SYNJ2: variants seen among roughly 807,000 people sequenced by gnomAD.
SYNJ2 encodes the protein synaptojanin 2, also known as polyphosphatidylinositol phosphatase SYNJ2.
In SYNJ2, 116 loss-of-function variants were observed where a neutral mutation model predicts 141.3. That is an observed-to-expected ratio of 0.82 (90% confidence interval 0.71 to 0.96). The LOEUF is 0.96. Among genes scored for constraint, SYNJ2 ranks in the 40% least tolerant of loss-of-function variants. The pLI, the probability that SYNJ2 is intolerant of heterozygous loss-of-function variation, is 0.00. For synonymous variants in SYNJ2, 745 were observed against 777.7 expected (o/e 0.96, Z 0.70); for missense variants, 1,873 against 1,934.8 (o/e 0.97, Z 0.60).
At chr6:158,061,854 C>A in intron 7 of SYNJ2, 138 bp from the exon 8 acceptor site, 1 of 851,584 alleles carries the variant, frequency 1.2e-6, no homozygotes, top group Non-Finnish European at 1.9e-6. Flanking sequence ...CTGCCTGGTC[C>A]ACTGTGAGCT....
Position 158,084,231 on chromosome 6 carries a change from CTT to C in SYNJ2, c.3208+59_3208+60del, listed in dbSNP as rs1782895152. On this transcript the variant is annotated intron_variant, in intron 22 of 26. Coordinates refer to ENST00000355585, the MANE Select transcript of SYNJ2 (RefSeq NM_003898.4). This position sits in a 1 kb window ranked among gnomAD's most constrained non-coding sequence, Gnocchi z 5.0. ...AGCGATGGAGTCAGCTCAGGACAGA[CTT>C]TCCTTTTTCTCTTGGCGATTGGGCA... The C allele has an allele frequency of 1.5e-5, 23 of 1,559,948 alleles. No homozygotes were observed. Among genetic ancestry groups the C allele is most frequent in the Non-Finnish European group, 2.0e-5 (23 of 1,152,020 alleles).
chr6:158,028,770 A>G lies in SYNJ2; in HGVS notation c.229A>G (p.Ser77Gly), dbSNP rs776867139. 1.1e-5 allele frequency: 17 copies of G among 1,613,930 alleles called. No individual in the cohort carries two copies. Among genetic ancestry groups the G allele is most frequent in the Non-Finnish European group, 1.4e-5 (17 of 1,179,974 alleles). ...LRLKSGGTSL[S>G]FLVLVTGCTS... The stretch of plus-strand genomic sequence containing the variant: ...TTCCTTTCCAGGTGGCACGTCTCTG[A>G]GCTTCCTGGTGTTGGTGACAGGCTG... Residue 77 changes from serine (S) to glycine (G), a missense_variant, in exon 3 of 27, where the codon AGC (serine) becomes GGC (glycine). Ser to Gly is a moderately conservative substitution (Grantham distance 56). Transcript: ENST00000355585.
Position 158,071,797 on chromosome 6 carries a change from G to A in SYNJ2, c.2133+3G>A. On this transcript the variant is annotated splice_donor_region_variant and intron_variant, in intron 15 of 26. Coordinates refer to ENST00000355585, the MANE Select transcript of SYNJ2 (RefSeq NM_003898.4). The surrounding 1 kb of genome is among the most constrained non-coding windows in gnomAD (Gnocchi z 4.3). ...CCCAGAAACTCTGCTTCCCAATGGTGAGCGGCGCCGTGGGGACAGCCAGCA... is the reference window on the plus strand; with the variant it reads ...CCCAGAAACTCTGCTTCCCAATGGTAAGCGGCGCCGTGGGGACAGCCAGCA... 6.2e-7 allele frequency: 1 copy of A among 1,612,340 alleles called. No individual in the cohort carries two copies.
At chr6:157,992,401 CTTTTTTTTTT>C (rs57905567) in intron 1 of SYNJ2, among the ~76,000 whole-genome samples, 1 of 120,356 alleles carries the variant, frequency 8.3e-6, no homozygotes, top group Non-Finnish European at 1.8e-5. Context: ...TGGCTTGTTT[CTTTTTTTTTT>C]TTTTTTTTTT....
Position 158,096,267 on chromosome 6 carries a change from C to G in SYNJ2, c.4394C>G (p.Pro1465Arg). ...GASAAKAELPPDHEHKTLGHW... is the reference protein window; with the variant it reads ...GASAAKAELPRDHEHKTLGHW... ...TCAGCTGCCAAGGCAGAGCTGCCAC[C>G]AGATCATGAACACAAAACCTTAGGT... Residue 1465 changes from proline (P) to arginine (R), a missense_variant, in exon 27 of 27, where the codon CCA (proline) becomes CGA (arginine). Physicochemically the swap from Pro to Arg is moderately radical, Grantham distance 103. Transcript: ENST00000355585. The G allele has an allele frequency of 6.2e-7, 1 of 1,614,228 alleles. No individual in the cohort carries two copies. Among genetic ancestry groups the G allele is most frequent in the South Asian group, 1.1e-5 (1 of 91,076 alleles).
intron 1 of SYNJ2, among the ~76,000 whole-genome samples, chr6:157,989,836 AG>A: frequency 6.6e-6 from 1 of 152,092 alleles, no homozygotes; most frequent in Admixed American, 6.5e-5. Context: ...CCTGGGTTTG[AG>A]CTGGAGAAGT....
At chr6:158,024,170 A>T (rs973542283) in intron 2 of SYNJ2, among the ~76,000 whole-genome samples, 52 of 152,296 alleles carry the variant, frequency 3.4e-4, no homozygotes, top group Non-Finnish European at 1.5e-4. Context: ...CATGCCTGTA[A>T]TCCCAGCACT....
intron 4 of SYNJ2, among the ~76,000 whole-genome samples, chr6:158,041,857 C>T (rs142703967): frequency 1.3e-5 from 2 of 152,176 alleles, no homozygotes; most frequent in Admixed American, 6.5e-5. Context: ...TACAGGCATA[C>T]GCCACCATAC....
intron 11 of SYNJ2, 86 bp downstream of exon 11, chr6:158,065,077 G>A: frequency 7.0e-7 from 1 of 1,431,012 alleles, no homozygotes; most frequent in Middle Eastern, 2.6e-4. Flanking sequence ...TATCCAGAGA[G>A]CGGGTGGCAG....
chr6:158,006,502 G>A (rs758579066), intron 1 of SYNJ2, among the ~76,000 whole-genome samples: 3 of 152,142 alleles, frequency 2.0e-5, no homozygotes, highest in Admixed American at 6.5e-5. Flanking sequence ...AGGATGCCAC[G>A]CACTGCTGGG....
intron 2 of SYNJ2, among the ~76,000 whole-genome samples, chr6:158,025,660 CA>C (rs1183818166): frequency 6.9e-6 from 1 of 144,842 alleles, no homozygotes; most frequent in Admixed American, 7.0e-5. Flanking sequence ...AACTCCATCT[CA>C]AAAAAAAATA....
intron 5 of SYNJ2, among the ~76,000 whole-genome samples, chr6:158,046,738 T>A (rs1455687294): frequency 6.6e-6 from 1 of 152,218 alleles, no homozygotes; most frequent in Non-Finnish European, 1.5e-5. Flanking sequence ...ATAAATTTCA[T>A]TTTTACGTGT....
chr6:157,992,703 C>CGGCT (rs1777496598), intron 1 of SYNJ2, among the ~76,000 whole-genome samples: 1 of 151,614 alleles, frequency 6.6e-6, no homozygotes, highest in Non-Finnish European at 1.5e-5. Flanking sequence ...CAACTGCACT[C>CGGCT]GGCTGGCTGG....
chr6:158,022,516 C>T (rs2128331483), intron 2 of SYNJ2, among the ~76,000 whole-genome samples: 1 of 152,334 alleles, frequency 6.6e-6, no homozygotes, highest in African/African-American at 2.4e-5. Flanking sequence ...CATGGCTTTG[C>T]TTTGGCCAGA....
rs1435071966 is a variant in SYNJ2, at chr6:158,083,568, A to G, written c.3005A>G (p.Asp1002Gly). ...TCCTGTTTGCTGGAGGAAAACTTTG[A>G]CTTCACAAGTTTGGACTATGAGTCA... ...ANSCLLEENF[D>G]FTSLDYESEG... Residue 1002 changes from aspartate (D) to glycine (G), a missense_variant, in exon 21 of 27, where the codon GAC becomes GGC. By Grantham distance (94) the Asp-to-Gly change is moderately conservative (BLOSUM62 -1). Transcript: ENST00000355585. 2 of 1,613,950 alleles carry G rather than the reference A, an allele frequency of 1.2e-6. No individual in the cohort carries two copies. The highest frequency in any genetic ancestry group is 8.5e-7 in the Non-Finnish European group (1 of 1,180,020).
In SYNJ2 at chr6:158,064,838, A is replaced by G. The variant is rs776032147; in HGVS notation, c.1372A>G (p.Lys458Glu). The G allele has an allele frequency of 6.2e-7, 1 of 1,609,058 alleles. No individual in the cohort carries two copies. The highest frequency in any genetic ancestry group is 8.5e-7 in the Non-Finnish European group (1 of 1,176,444). The change falls in exon 11 of 27, where the codon AAG becomes GAG. Residue 458 changes from lysine (K) to glutamate (E), a missense_variant. Lys to Glu is a moderately conservative substitution (Grantham distance 56, BLOSUM62 1). Transcript: ENST00000355585. ...LEGKAKVGKL[K>E]DGARSMSRTI... ...GGGCTCTCGGCAGGTGGGGAAGCTG[A>G]AGGATGGAGCCCGGTCCATGTCTCG...
chr6:158,019,563 C>G (rs1256531717), intron 2 of SYNJ2, among the ~76,000 whole-genome samples: 4 of 152,140 alleles, frequency 2.6e-5, no homozygotes, highest in African/African-American at 7.2e-5. Context: ...AGAGAGGAGA[C>G]CACCTCCCAG....
chr6:158,012,907 T>C (rs1019524676), intron 1 of SYNJ2, among the ~76,000 whole-genome samples: 1 of 152,216 alleles, frequency 6.6e-6, no homozygotes. Flanking sequence ...ATGATTTCAT[T>C]GATTATCTTT....
rs1393047534 is a variant in SYNJ2, at chr6:158,059,339, A to C, written c.940A>C (p.Asn314His). The change falls in exon 7 of 27, where the codon AAC (asparagine) becomes CAC (histidine). Residue 314 changes from asparagine to histidine, a missense_variant. Transcript: ENST00000355585. Reference sequence around the variant, plus strand: ...AAGCAGAGGCGGAGAGGAGGTGCTCAACAGAGCCTTCAAGGTAAGGCCAGG... The same window carrying C: ...AAGCAGAGGCGGAGAGGAGGTGCTCCACAGAGCCTTCAAGGTAAGGCCAGG... ...LGSRGGEEVLNRAFKKLLWAS... is the reference protein window; with the variant it reads ...LGSRGGEEVLHRAFKKLLWAS... 2 of 1,550,388 alleles carry C rather than the reference A, an allele frequency of 1.3e-6. No homozygotes were observed. Among genetic ancestry groups the C allele is most frequent in the Admixed American group, 2.0e-5 (1 of 50,984 alleles).
Sources: gnomAD v4.1 joint callset for allele counts (sites outside exome capture counted in the v4.1 genomes callset) on GRCh38, gnomAD v4.1.1 for gene constraint, Gnocchi (gnomAD v3.1) non-coding constraint, MANE v1.5 for transcripts, NCBI Gene and HGNC (gene_info 2026-07-23, HGNC 2026-07-21) for gene names.